TSPAN5: variants seen among roughly 807,000 people sequenced by gnomAD.
The protein encoded by TSPAN5 is tetraspanin 5, also known as tetraspanin-5.
A neutral mutation model predicts 37.1 loss-of-function variants in TSPAN5; 10 were observed. The observed-to-expected ratio is 0.27, with a 90% CI of 0.17 to 0.46. The LOEUF (loss-of-function observed/expected upper bound fraction) is 0.46, where lower values mean the gene tolerates loss of function less well. Ranked by LOEUF, TSPAN5 falls within the 20% of genes least tolerant of loss-of-function variation. TSPAN5 has a pLI of 1.00. For synonymous variants in TSPAN5, 110 were observed against 118.9 expected, an observed-to-expected ratio of 0.93 and a Z score of 0.48; for missense variants, 195 against 326.6, an observed-to-expected ratio of 0.60 and a Z score of 3.11.
chr4:98,516,274 A>T (rs1407765617), intron 1 of TSPAN5, among the ~76,000 whole-genome samples: 2 of 152,240 alleles, frequency 1.3e-5, no homozygotes, highest in Non-Finnish European at 2.9e-5. Context: ...TGTTCCACTG[A>T]ATACCAGGCT....
At chr4:98,645,620 T>C (rs1456542403) in intron 1 of TSPAN5, among the ~76,000 whole-genome samples, 1 of 152,168 alleles carries the variant, frequency 6.6e-6, no homozygotes, top group Admixed American at 6.5e-5. Context: ...GGTTTACAAA[T>C]GGCTGAACTT....
In TSPAN5 at chr4:98,558,132, A is replaced by G. The variant is rs2110164608; in HGVS notation, c.82-50404T>C. On this transcript the variant is annotated intron_variant, in intron 1 of 7. Transcript: ENST00000305798. ...GCAGTATATTAACATGTAAGGTGTT[A>G]GAAATACTTGTTCCCCGGTGACGCA... is the stretch of plus-strand genomic sequence containing the variant. Among the ~76,000 whole-genome samples the G allele has an allele frequency of 2.0e-5, 3 of 152,310 alleles. No individual in the cohort carries two copies. In the South Asian group the frequency reaches 6.2e-4, roughly 32 times the overall value.
rs529547739 is a variant in TSPAN5 at position 98,520,608 on chromosome 4, C to T, written c.82-12880G>A. ...GAGCTGCAGAGTAACTGTGTGTGAC[C>T]TTGGTCAAGTCACTGAATGATAGTC... is the stretch of plus-strand genomic sequence containing the variant. On this transcript the variant is annotated intron_variant, in intron 1 of 7. Transcript: ENST00000305798. Among the ~76,000 whole-genome samples, 31 of 152,308 alleles carry T rather than the reference C, an allele frequency of 2.0e-4. No individual in the cohort carries two copies. In the South Asian group the frequency reaches 6.0e-3, roughly 30 times the overall value.
chr4:98,542,117 T>A (rs1302337313), intron 1 of TSPAN5, among the ~76,000 whole-genome samples: 1 of 152,150 alleles, frequency 6.6e-6, no homozygotes, highest in African/African-American at 2.4e-5. Flanking sequence ...AAAGGGATAA[T>A]AATATCTTAC....
In TSPAN5 at chr4:98,478,907, G is replaced by A. The variant is rs1459723826; in HGVS notation, c.451-97C>T. The stretch of plus-strand genomic sequence containing the variant: ...AACGACACCAGCTTCTGCCAGCTCT[G>A]ACCTTCTTTTCTGTCCTAGACTTTA... On this transcript the variant is annotated intron_variant, in intron 4 of 7. Transcript: ENST00000305798. 2.1e-5 allele frequency: 31 copies of A among 1,459,866 alleles called. No homozygotes were observed. In the South Asian group the frequency reaches 2.2e-4, roughly 10 times the overall value. The allele number at this position is 1,459,866 out of a possible 1,614,324, so 90.4% of individuals were successfully genotyped here.
At chr4:98,502,675 A>C (rs1014212880) in intron 2 of TSPAN5, among the ~76,000 whole-genome samples, 1 of 152,142 alleles carries the variant, frequency 6.6e-6, no homozygotes, top group Admixed American at 6.5e-5. Context: ...TCTATCTACA[A>C]AGACAAGATG....
intron 1 of TSPAN5, among the ~76,000 whole-genome samples, chr4:98,620,501 A>G (rs1030360890): frequency 2.6e-5 from 4 of 152,190 alleles, no homozygotes; most frequent in African/African-American, 9.7e-5. Flanking sequence ...CAAGCCTAAG[A>G]GTGGTTGCTG....
At chr4:98,491,223 G>C (rs1260417720) in intron 2 of TSPAN5, among the ~76,000 whole-genome samples, 1 of 152,088 alleles carries the variant, frequency 6.6e-6, no homozygotes. Context: ...CATTTTTCAA[G>C]AATATATTAT....
intron 2 of TSPAN5, among the ~76,000 whole-genome samples, chr4:98,491,124 T>C (rs1455355628): frequency 6.6e-6 from 1 of 152,214 alleles, no homozygotes; most frequent in East Asian, 1.9e-4. Context: ...TATATATAAA[T>C]AGTGGAATGA....
At chr4:98,621,659 C>T (rs772120093) in intron 1 of TSPAN5, among the ~76,000 whole-genome samples, 29 of 152,232 alleles carry the variant, frequency 1.9e-4, no homozygotes, top group South Asian at 4.1e-4. Flanking sequence ...TGAGCCACTG[C>T]GCCCGGCCAG....
intron 1 of TSPAN5, among the ~76,000 whole-genome samples, chr4:98,563,119 A>AT (rs1439400073): frequency 1.3e-5 from 2 of 152,066 alleles, no homozygotes; most frequent in Non-Finnish European, 1.5e-5. Context: ...TATTACGACC[A>AT]TTTTTTGGTA....
intron 1 of TSPAN5, among the ~76,000 whole-genome samples, chr4:98,519,930 G>A (rs558006742): frequency 1.2e-4 from 19 of 152,324 alleles, no homozygotes; most frequent in South Asian, 4.1e-4. Flanking sequence ...AATCTATCTC[G>A]TGGGGTCATT....
At position 98,620,075 on chromosome 4, in the gene TSPAN5, C is replaced by G. The variant is rs1042878387; in HGVS notation, c.81+38071G>C. Reference sequence around the variant, plus strand: ...AACATGGCTGCAAATTCTGAAACTCCTCCCACTGAGAGGTGAGGTCTATGT... The same window carrying G: ...AACATGGCTGCAAATTCTGAAACTCGTCCCACTGAGAGGTGAGGTCTATGT... On this transcript the variant is annotated intron_variant, in intron 1 of 7. Transcript: ENST00000305798. Among the ~76,000 whole-genome samples the G allele has an allele frequency of 3.3e-5, 5 of 152,322 alleles. No homozygotes were observed. The South Asian group carries it at 1.0e-3, about 32-fold the overall frequency.
intron 1 of TSPAN5, among the ~76,000 whole-genome samples, chr4:98,589,650 C>T (rs1755580161): frequency 6.6e-6 from 1 of 152,212 alleles, no homozygotes; most frequent in Non-Finnish European, 1.5e-5. Flanking sequence ...CAGCTACGCG[C>T]AGACTACCAG....
At chr4:98,592,331 T>C (rs1007566972) in intron 1 of TSPAN5, among the ~76,000 whole-genome samples, 1 of 149,756 alleles carries the variant, frequency 6.7e-6, no homozygotes, top group East Asian at 2.0e-4. Context: ...ATAATGAAAC[T>C]GAACTTCAAA....
chr4:98,646,783 T>C (rs1757078334), intron 1 of TSPAN5, among the ~76,000 whole-genome samples: 3 of 152,170 alleles, frequency 2.0e-5, no homozygotes, highest in Admixed American at 2.0e-4. Flanking sequence ...AATGTAAGAT[T>C]ATTTTAATGA....
intron 1 of TSPAN5, among the ~76,000 whole-genome samples, chr4:98,575,091 C>A (rs1324575117): frequency 6.6e-6 from 1 of 152,062 alleles, no homozygotes; most frequent in South Asian, 2.1e-4. Flanking sequence ...TCTTGTGAAT[C>A]CCCTCTGCAA....
chr4:98,531,830 T>A (rs1176656903), intron 1 of TSPAN5, among the ~76,000 whole-genome samples: 1 of 152,260 alleles, frequency 6.6e-6, no homozygotes, highest in Non-Finnish European at 1.5e-5. Context: ...GAGCTTTTTT[T>A]CATATGTTTG....
intron 3 of TSPAN5, chr4:98,485,199 C>G (rs569732553): frequency 6.6e-6 from 1 of 152,540 alleles, no homozygotes; most frequent in South Asian, 2.1e-4. Context: ...TGACCAGGAC[C>G]CAATCAGGCT....
Sources: allele counts gnomAD v4.1 joint callset (sites outside exome capture counted in the v4.1 genomes callset), GRCh38; gene constraint gnomAD v4.1.1; transcripts MANE v1.5; gene names NCBI Gene and HGNC (gene_info 2026-07-23, HGNC 2026-07-21).